EFCAB11: variants seen among roughly 807,000 people sequenced by gnomAD.
EFCAB11 encodes EF-hand calcium-binding domain-containing protein 11.
EFCAB11 carries 14 observed loss-of-function variants against 23.0 expected under a neutral mutation model. That is an observed-to-expected ratio of 0.61 (90% CI 0.40 to 0.95). The LOEUF is 0.95. EFCAB11 is among the 40% of genes least tolerant of loss of function. The probability of loss-of-function intolerance (pLI) is 0.00; values close to 1 mark genes in which losing one functional copy is unlikely to be tolerated. For missense variants in EFCAB11, 198 were observed against 195.8 expected (o/e 1.01, Z -0.07); for synonymous variants, 65 against 66.6 (o/e 0.98, Z 0.11).
At chr14:89,923,907 A>G in intron 5 of EFCAB11, 1 of 985,436 alleles carries the variant, frequency 1.0e-6, no homozygotes, top group South Asian at 4.7e-5. Context: ...GACGCAAATG[A>G]CTTGAAAAAG....
intron 3 of EFCAB11, among the ~76,000 whole-genome samples, chr14:89,941,075 T>C (rs1371534968): frequency 1.3e-5 from 2 of 152,216 alleles, no homozygotes; most frequent in Admixed American, 1.3e-4. Context: ...ACTGCATTTA[T>C]TGAACAGCTC....
At chr14:89,951,368 C>T (rs1178028198) in intron 2 of EFCAB11, among the ~76,000 whole-genome samples, 3 of 152,170 alleles carry the variant, frequency 2.0e-5, no homozygotes, top group Admixed American at 2.0e-4. Context: ...AGATACTTAT[C>T]AGAGTAGTCT....
At chr14:89,896,773 CTCAAACTCCTGCATCT>C (rs1483610228) in intron 5 of EFCAB11, among the ~76,000 whole-genome samples, 1 of 152,196 alleles carries the variant, frequency 6.6e-6, no homozygotes, top group Non-Finnish European at 1.5e-5. Context: ...TCACTGAAGC[CTCAAACTCCTGCATCT>C]TCAAACTCCT....
intron 5 of EFCAB11, among the ~76,000 whole-genome samples, chr14:89,837,634 G>A (rs749355182): frequency 6.6e-6 from 1 of 152,166 alleles, no homozygotes; most frequent in African/African-American, 2.4e-5. Context: ...GGCCCTGACT[G>A]ATAGAACCAT....
intron 5 of EFCAB11, among the ~76,000 whole-genome samples, chr14:89,824,355 C>T (rs1886622771): frequency 6.6e-6 from 1 of 151,726 alleles, no homozygotes; most frequent in Admixed American, 6.6e-5. Flanking sequence ...AAATTTGTGG[C>T]CAGCAGACAT....
chr14:89,946,400 C>T (rs909517759), intron 3 of EFCAB11, among the ~76,000 whole-genome samples: 3 of 152,142 alleles, frequency 2.0e-5, no homozygotes, highest in African/African-American at 4.8e-5. Context: ...CTAGGCAACA[C>T]AGAGTTAGTT....
intron 5 of EFCAB11, among the ~76,000 whole-genome samples, chr14:89,837,362 C>A (rs1028274828): frequency 6.6e-6 from 1 of 152,020 alleles, no homozygotes; most frequent in African/African-American, 2.4e-5. Context: ...TATTTCTTTC[C>A]TGTAGCCTCC....
chr14:89,947,150 G>A (rs1051724375), intron 3 of EFCAB11, among the ~76,000 whole-genome samples: 1 of 152,130 alleles, frequency 6.6e-6, no homozygotes, highest in African/African-American at 2.4e-5. Flanking sequence ...TGTTAACAAT[G>A]TCAATCTGGG....
chr14:89,905,840 G>C (rs1269790395), intron 5 of EFCAB11, among the ~76,000 whole-genome samples: 1 of 152,178 alleles, frequency 6.6e-6, no homozygotes, highest in Non-Finnish European at 1.5e-5. Context: ...TGAGGAAAGG[G>C]ACTTGGTAAT....
intron 5 of EFCAB11, among the ~76,000 whole-genome samples, chr14:89,904,883 GA>G (rs1313024309): frequency 1.3e-5 from 2 of 152,194 alleles, no homozygotes; most frequent in African/African-American, 4.8e-5. Context: ...CCCTTTGTCA[GA>G]TGGGTAGATT....
At chr14:89,914,457 T>G (rs1373720083) in intron 5 of EFCAB11, among the ~76,000 whole-genome samples, 2 of 152,212 alleles carry the variant, frequency 1.3e-5, no homozygotes, top group Non-Finnish European at 2.9e-5. Flanking sequence ...CTGGAAAAAC[T>G]GAGCAGTAAA....
chr14:89,863,321 A>G (rs1343551121), intron 5 of EFCAB11, among the ~76,000 whole-genome samples: 1 of 152,230 alleles, frequency 6.6e-6, no homozygotes, highest in Non-Finnish European at 1.5e-5. Flanking sequence ...TACAGGAAAT[A>G]TTACACAATA....
At chr14:89,843,169 G>T (rs527352883) in intron 5 of EFCAB11, among the ~76,000 whole-genome samples, 3 of 152,030 alleles carry the variant, frequency 2.0e-5, no homozygotes, top group Admixed American at 2.0e-4. Flanking sequence ...AAACTTTTTG[G>T]CTTCAGGATT....
chr14:89,862,321 T>TA (rs1039033035), intron 5 of EFCAB11, among the ~76,000 whole-genome samples: 11 of 152,352 alleles, frequency 7.2e-5, no homozygotes, highest in African/African-American at 2.6e-4. Flanking sequence ...CATTTTTTTT[T>TA]ATTAGAAAAA....
intron 3 of EFCAB11, among the ~76,000 whole-genome samples, chr14:89,933,983 T>C (rs75410991): frequency 0.034 from 5,213 of 152,098 alleles, 301 homozygotes; most frequent in African/African-American, 0.12. Context: ...CCGAGGCTGT[T>C]GTGTGGCAAG....
intron 5 of EFCAB11, among the ~76,000 whole-genome samples, chr14:89,892,677 G>A (rs1240293385): frequency 3.3e-5 from 5 of 152,130 alleles, no homozygotes; most frequent in Admixed American, 6.5e-5. Flanking sequence ...CAAGGACAGC[G>A]GATCACCTGA....
At chr14:89,803,785 C>A (rs1255918186) in intron 5 of EFCAB11, among the ~76,000 whole-genome samples, 1 of 152,234 alleles carries the variant, frequency 6.6e-6, no homozygotes, top group Non-Finnish European at 1.5e-5. Flanking sequence ...CTCCCGCAAG[C>A]AGCCTTCTCT....
intron 5 of EFCAB11, among the ~76,000 whole-genome samples, chr14:89,914,310 G>A (rs527806829): frequency 4.6e-4 from 70 of 152,324 alleles, no homozygotes; most frequent in Admixed American, 3.2e-3. Context: ...GGGATGTGGT[G>A]GAGGCTCAAA....
At chr14:89,821,746 T>G (rs1209415990) in intron 5 of EFCAB11, among the ~76,000 whole-genome samples, 3 of 152,134 alleles carry the variant, frequency 2.0e-5, no homozygotes, top group Non-Finnish European at 2.9e-5. Flanking sequence ...GAACCTAACC[T>G]ATTTCACACC....
Sources: allele counts gnomAD v4.1 joint callset (sites outside exome capture counted in the v4.1 genomes callset), GRCh38; gene constraint gnomAD v4.1.1; transcripts MANE v1.5; gene names NCBI Gene and HGNC (gene_info 2026-07-23, HGNC 2026-07-21).